Variants in SETD1A observed in about 807,000 individuals in gnomAD.
SETD1A encodes histone-lysine N-methyltransferase SETD1A.
SETD1A carries 29 observed loss-of-function variants against 149.9 expected under a neutral mutation model. The ratio of observed to expected loss-of-function variants is 0.19; its 90% CI spans 0.14 to 0.26. The LOEUF (loss-of-function observed/expected upper bound fraction) is 0.26. SETD1A is among the 10% of genes least tolerant of loss of function. The probability of loss-of-function intolerance (pLI) is 1.00; values close to 1 mark genes in which losing one functional copy is unlikely to be tolerated. For missense variants in SETD1A, 2,109 were observed against 2,353.1 expected (o/e 0.90, Z 2.15); for synonymous variants, 1,141 against 968.5 (o/e 1.18, Z -3.31).
At chr16:30,979,022 T>C in intron 13 of SETD1A, 123 bp from the exon 14 acceptor site, 1 of 974,146 alleles carries the variant, frequency 1.0e-6, no homozygotes, top group Non-Finnish European at 1.5e-6. Context: ...AGGGCGTCTG[T>C]GTTCCCTCCG....
Position 30,979,991 on chromosome 16 carries a change from G to GCCCGCC in SETD1A, c.4208_4209insGCCCCC (p.Pro1411_Pro1412dup). ...CTCCGCTCCCACGCCCGGCGCCGCC[G>GCCCGCC]CCCTCCGCCCCCACCCCCGCCGCCA... On this transcript the variant is annotated inframe_insertion, in exon 14 of 19. Transcript: ENST00000262519. 7.8e-7 allele frequency: 1 copy of GCCCGCC among 1,279,668 alleles called. No individual in the cohort carries two copies. Among genetic ancestry groups the GCCCGCC allele is most frequent in the Non-Finnish European group, 1.0e-6 (1 of 969,378 alleles). 79.3% of individuals were successfully genotyped at this position (1,279,668 alleles called of 1,614,324 possible). A position where few individuals can be genotyped will look rare whatever the true frequency, so the allele number is the denominator to read the frequency against.
At chr16:30,971,781 G>A (rs928316965) in intron 13 of SETD1A, 62 bp downstream of exon 13, 7 of 1,496,570 alleles carry the variant, frequency 4.7e-6, no homozygotes, top group Admixed American at 4.7e-5. Context: ...AGAAAACAGT[G>A]GTGCTTGCAT....
Position 30,965,737 on chromosome 16 carries a change from C to T in SETD1A, c.1856C>T (p.Ala619Val), listed in dbSNP as rs767111251. Residue 619 changes from alanine to valine, a missense_variant, in exon 8 of 19, where the codon GCG (alanine) becomes GTG (valine). Transcript: ENST00000262519. ...CCGCCGCCTCCTCCTCCCTACCTGG[C>T]GTCCCTTCCTCTTGGTTATCCTCCC... is the stretch of plus-strand genomic sequence containing the variant. ...PPPPPPPPYL[A>V]SLPLGYPPHQ... is the part of the protein sequence containing the mutation. 6.3e-6 allele frequency: 9 copies of T among 1,419,266 alleles called. No homozygotes were observed. Among genetic ancestry groups the T allele is most frequent in the East Asian group, 3.5e-5 (1 of 28,246 alleles). The allele number at this position is 1,419,266 out of a possible 1,614,324, so 87.9% of individuals were successfully genotyped here.
At chr16:30,982,190 C>G (rs906527407) in intron 17 of SETD1A, among the ~76,000 whole-genome samples, 12 of 152,102 alleles carry the variant, frequency 7.9e-5, no homozygotes, top group Non-Finnish European at 5.9e-5. Context: ...GTGTGGAGGT[C>G]AGCTTGGCTC....
At chr16:30,981,005 T>A in intron 16 of SETD1A, 56 bp from the exon 17 acceptor site, 1 of 1,606,092 alleles carries the variant, frequency 6.2e-7, no homozygotes, top group Non-Finnish European at 8.5e-7. Context: ...GTGGGAAGAG[T>A]GAGGGTCTGG....
intron 10 of SETD1A, among the ~76,000 whole-genome samples, chr16:30,968,344 A>T (rs1254155313): frequency 6.6e-6 from 1 of 150,576 alleles, no homozygotes; most frequent in Non-Finnish European, 1.5e-5. Context: ...TGGAGGTTAC[A>T]GTGAGCCAAG....
Position 30,958,778 on chromosome 16 carries a change from A to G in SETD1A, c.47A>G (p.Gln16Arg). 1 of 1,614,182 alleles carries G rather than the reference A, an allele frequency of 6.2e-7. No homozygotes were observed. Among genetic ancestry groups the G allele is most frequent in the Non-Finnish European group, 8.5e-7 (1 of 1,179,996 alleles). The change falls in exon 2 of 19, where the codon CAG (glutamine) becomes CGG (arginine). Residue 16 changes from glutamine to arginine, a missense_variant. By Grantham distance (43) the Gln-to-Arg change is conservative (BLOSUM62 1). Transcript: ENST00000262519. ...GATGGGCAGAAGGCCCCGAGCTTCC[A>G]GTGGCGGAACTACAAGCTCATCGTG... is the stretch of plus-strand genomic sequence containing the variant. ...GGDGQKAPSFQWRNYKLIVDP... is the reference protein window; with the variant it reads ...GGDGQKAPSFRWRNYKLIVDP...
At position 30,971,640 on chromosome 16, in the gene SETD1A, G is replaced by C; in HGVS notation, c.3279G>C (p.Glu1093Asp). The stretch of plus-strand genomic sequence containing the variant: ...CAGTGCCCACGCCAGCACCTGTGGA[G>C]GTGCCAGTGCCGGAAAGGGTTGCAG... ...EVPVPTPAPV[E>D]VPVPERVAGS... is the part of the protein sequence containing the mutation. Residue 1093 changes from glutamate (E) to aspartate (D), a missense_variant, in exon 13 of 19, where the codon GAG (glutamate) becomes GAC (aspartate). Coordinates refer to ENST00000262519, the MANE Select transcript of SETD1A (RefSeq NM_014712.3). The C allele has an allele frequency of 6.2e-7, 1 of 1,612,404 alleles. No individual in the cohort carries two copies. Among genetic ancestry groups the C allele is most frequent in the Non-Finnish European group, 8.5e-7 (1 of 1,178,882 alleles).
intron 13 of SETD1A, among the ~76,000 whole-genome samples, chr16:30,977,615 C>T (rs751241636): frequency 1.3e-5 from 2 of 152,222 alleles, no homozygotes; most frequent in Non-Finnish European, 2.9e-5. Flanking sequence ...GGGGGCGCTG[C>T]CCCAGCGTGG....
rs2056322452 is a variant in SETD1A, at chr16:30,979,086, A to G, written c.3359-59A>G. 18 of 1,473,218 alleles carry G rather than the reference A, an allele frequency of 1.2e-5. No individual in the cohort carries two copies. In the South Asian group the frequency reaches 2.5e-4, roughly 21 times the overall value. The allele number at this position is 1,473,218 out of a possible 1,614,324, so 91.3% of individuals were successfully genotyped here. A position where few individuals can be genotyped will look rare whatever the true frequency, so the allele number is the denominator to read the frequency against. The stretch of plus-strand genomic sequence containing the variant: ...ACACAGCCTGTGGTCATGGGCGGCC[A>G]GGGTGGCTGAGCCTGGGTCTCCCTG... On this transcript the variant is annotated intron_variant, in intron 13 of 18. Transcript: ENST00000262519.
intron 8 of SETD1A, 64 bp downstream of exon 8, chr16:30,966,450 C>T: frequency 2.0e-6 from 3 of 1,527,446 alleles, no homozygotes; most frequent in Middle Eastern, 3.8e-4. Flanking sequence ...CCTCTGGCTC[C>T]TCCAGGCTGC....
rs2056196222 is a variant in SETD1A, at chr16:30,969,420, C to T, written c.2886C>T (p.Asp962=). ...AGCACCGCAAGTCCTTTGCTCTGGA[C>T]AGCGAAGGGGAGGAGGCATCCCAGG... is the stretch of plus-strand genomic sequence containing the variant. ...QGKHRKSFAL[D]SEGEEASQES... The change falls in exon 11 of 19, where the codon GAC becomes GAT. Residue 962 remains aspartate, a synonymous_variant. Transcript: ENST00000262519. 1 of 1,613,698 alleles carries T rather than the reference C, an allele frequency of 6.2e-7. No individual in the cohort carries two copies. Among genetic ancestry groups the T allele is most frequent in the African/African-American group, 1.3e-5 (1 of 74,922 alleles).
rs756299242 is a variant in SETD1A, at chr16:30,965,886, C to T, written c.2005C>T (p.Leu669Phe). ...FVNSLELMDR[L>F]GAQWGGMPMS... ...GAACTCCTTGGAGCTCATGGACCGA[C>T]TTGGGGCTCAGTGGGGAGGGATGCC... The change falls in exon 8 of 19, where the codon CTT becomes TTT. Residue 669 changes from leucine to phenylalanine, a missense_variant. Leu to Phe is a conservative substitution (Grantham distance 22, BLOSUM62 0). This residue lies in a region of SETD1A where 431 missense variants were observed against 388.6 expected (regional missense o/e 1.11). Transcript: ENST00000262519. 1.9e-6 allele frequency: 3 copies of T among 1,612,944 alleles called. No individual in the cohort carries two copies. Among genetic ancestry groups the T allele is most frequent in the Admixed American group, 1.7e-5 (1 of 59,878 alleles).
Position 30,964,844 on chromosome 16 carries a change from G to C in SETD1A, c.1102G>C (p.Ala368Pro). 6.2e-7 allele frequency: 1 copy of C among 1,614,188 alleles called. No individual in the cohort carries two copies. The highest frequency in any genetic ancestry group is 1.1e-5 in the South Asian group (1 of 91,086). The change falls in exon 7 of 19, where the codon GCG becomes CCG. Residue 368 changes from alanine (A) to proline (P), a missense_variant. By Grantham distance (27) the Ala-to-Pro change is conservative. Around this residue, in one of 8 missense-constraint regions of SETD1A, gnomAD observed 410 missense variants for 394.8 expected, o/e 1.04. Coordinates refer to ENST00000262519, the MANE Select transcript of SETD1A (RefSeq NM_014712.3). ...QFRSSDANYPAYYESWNRYQR... is the reference protein window; with the variant it reads ...QFRSSDANYPPYYESWNRYQR... ...TCGTAGTTCTGATGCAAACTACCCA[G>C]CGTATTATGAAAGCTGGAATCGCTA...
intron 13 of SETD1A, among the ~76,000 whole-genome samples, chr16:30,978,060 G>A (rs1234024243): frequency 6.6e-6 from 1 of 151,596 alleles, no homozygotes; most frequent in East Asian, 1.9e-4. Context: ...CAGATCACGA[G>A]GTCAAGAGAT....
intron 8 of SETD1A, 135 bp from the exon 9 acceptor site, chr16:30,966,749 G>C: frequency 2.0e-6 from 2 of 1,013,268 alleles, no homozygotes; most frequent in East Asian, 2.7e-5. Context: ...CCGTGCGGGG[G>C]CTGGGACAGG....
In SETD1A at chr16:30,965,859, G is replaced by C; in HGVS notation, c.1978G>C (p.Val660Leu). The change falls in exon 8 of 19, where the codon GTG (valine) becomes CTG (leucine). Residue 660 changes from valine (V) to leucine (L), a missense_variant. Coordinates refer to ENST00000262519, the MANE Select transcript of SETD1A (RefSeq NM_014712.3). ...PPPPPHIYDF[V>L]NSLELMDRLG... ...ACCACCCCCGCACATCTATGACTTT[G>C]TGAACTCCTTGGAGCTCATGGACCG... is the stretch of plus-strand genomic sequence containing the variant. 1 of 1,604,494 alleles carries C rather than the reference G, an allele frequency of 6.2e-7. No individual in the cohort carries two copies. Among genetic ancestry groups the C allele is most frequent in the Non-Finnish European group, 8.5e-7 (1 of 1,175,282 alleles).
At chr16:30,978,192 T>A (rs1364728281) in intron 13 of SETD1A, among the ~76,000 whole-genome samples, 1 of 149,680 alleles carries the variant, frequency 6.7e-6, no homozygotes, top group Non-Finnish European at 1.5e-5. Flanking sequence ...GAGAATCGCT[T>A]GAACCCGGGA....
chr16:30,960,270 T>C (rs1030406097), intron 3 of SETD1A, among the ~76,000 whole-genome samples: 1 of 152,210 alleles, frequency 6.6e-6, no homozygotes, highest in African/African-American at 2.4e-5. Flanking sequence ...GACACTGACA[T>C]GTATGGTTAT....
Sources: allele counts gnomAD v4.1 joint callset (sites outside exome capture counted in the v4.1 genomes callset), GRCh38; gene constraint gnomAD v4.1.1; regional missense constraint gnomAD v4.1.1; transcripts MANE v1.5; gene names NCBI Gene and HGNC (gene_info 2026-07-23, HGNC 2026-07-21).